Variants in ITPR1 observed in about 807,000 individuals in gnomAD.
The protein encoded by ITPR1 is inositol 1,4,5-trisphosphate-gated calcium channel ITPR1.
Under a neutral mutation model 318.4 loss-of-function variants are expected in ITPR1, and 96 were observed. That is an observed-to-expected ratio of 0.30 (90% CI 0.26 to 0.36). ITPR1 has a LOEUF of 0.36. ITPR1 is among the 10% of genes least tolerant of loss of function. The pLI, the probability that ITPR1 is intolerant of heterozygous loss-of-function variation, is 1.00. For missense variants in ITPR1, 2,440 were observed against 3,460.2 expected (o/e 0.71, Z 7.40); for synonymous variants, 1,312 against 1,289.9 (o/e 1.02, Z -0.37).
At chr3:4,605,822 C>G (rs1183080135) in intron 4 of ITPR1, among the ~76,000 whole-genome samples, 3 of 152,152 alleles carry the variant, frequency 2.0e-5, no homozygotes, top group African/African-American at 7.2e-5. Flanking sequence ...TTCCACTGGC[C>G]TTTCCTGGTC....
chr3:4,727,903 C>T (rs575487343), intron 42 of ITPR1, among the ~76,000 whole-genome samples: 1 of 152,184 alleles, frequency 6.6e-6, no homozygotes, highest in Non-Finnish European at 1.5e-5. Context: ...TTTCCTTCTA[C>T]CTATTTTTTA....
intron 60 of ITPR1, chr3:4,830,826 C>A (rs1298708970): frequency 2.4e-6 from 1 of 412,218 alleles, no homozygotes; most frequent in East Asian, 7.2e-5. Context: ...CCATCTTCTC[C>A]CCCATGACCC....
chr3:4,772,753 TAAG>T, intron 46 of ITPR1, among the ~76,000 whole-genome samples: 1 of 152,326 alleles, frequency 6.6e-6, no homozygotes, highest in South Asian at 2.1e-4. Context: ...TTCTCTTCTC[TAAG>T]AAGGAGTTCC....
At chr3:4,701,033 AT>A (rs1223180187) in intron 35 of ITPR1, among the ~76,000 whole-genome samples, 2 of 152,188 alleles carry the variant, frequency 1.3e-5, no homozygotes, top group African/African-American at 4.8e-5. Context: ...ACAATTCAAG[AT>A]GAAGTTTGGA....
At chr3:4,688,642 C>T (rs1392373210) in intron 31 of ITPR1, 22 bp downstream of exon 31, 1 of 1,607,892 alleles carries the variant, frequency 6.2e-7, no homozygotes, top group Admixed American at 1.7e-5. Context: ...GGCCAATCTG[C>T]AAATCTATAG....
At chr3:4,819,937 G>T (rs187173162) in intron 60 of ITPR1, among the ~76,000 whole-genome samples, 1 of 152,286 alleles carries the variant, frequency 6.6e-6, no homozygotes, top group Non-Finnish European at 1.5e-5. Context: ...AGTTCAGAAG[G>T]AGCTGAGCCA....
intron 5 of ITPR1, among the ~76,000 whole-genome samples, chr3:4,636,573 C>T (rs573139533): frequency 3.3e-5 from 5 of 152,238 alleles, no homozygotes; most frequent in Admixed American, 6.5e-5. Flanking sequence ...GGACTACAGG[C>T]GCCCGCCACC....
chr3:4,614,668 G>A (rs1044295079), intron 4 of ITPR1, among the ~76,000 whole-genome samples: 1 of 152,188 alleles, frequency 6.6e-6, no homozygotes, highest in Non-Finnish European at 1.5e-5. Flanking sequence ...TCTGCTAGAC[G>A]CATGACATGC....
intron 46 of ITPR1, among the ~76,000 whole-genome samples, chr3:4,770,404 A>G (rs2046112127): frequency 6.6e-6 from 1 of 152,228 alleles, no homozygotes; most frequent in Non-Finnish European, 1.5e-5. Context: ...TGAATTTTCA[A>G]TCAGATTGAA....
At chr3:4,558,784 C>A (rs917122261) in intron 4 of ITPR1, among the ~76,000 whole-genome samples, 1 of 151,948 alleles carries the variant, frequency 6.6e-6, no homozygotes. Context: ...AACCCACTAG[C>A]CTTAACAGTA....
At chr3:4,706,903 C>A (rs1447318433) in intron 37 of ITPR1, among the ~76,000 whole-genome samples, 1 of 152,194 alleles carries the variant, frequency 6.6e-6, no homozygotes, top group African/African-American at 2.4e-5. Flanking sequence ...TGCATCTTAA[C>A]ATTAACGTAT....
At chr3:4,642,508 C>G (rs1275458500) in intron 7 of ITPR1, among the ~76,000 whole-genome samples, 1 of 152,158 alleles carries the variant, frequency 6.6e-6, no homozygotes. Flanking sequence ...AGGAACTTTA[C>G]CACAAAAACA....
chr3:4,713,027 A>T lies in ITPR1; in HGVS notation c.5103+1159A>T, dbSNP rs895839474. On this transcript the variant is annotated intron_variant, in intron 39 of 61. Coordinates refer to ENST00000649015, the MANE Select transcript of ITPR1 (RefSeq NM_001378452.1). ...CCCTGGCAAGGTGAGAAGTGCTGGG[A>T]TGGCCTGTTCATACCTGTATAGGCA... Among the ~76,000 whole-genome samples the T allele has an allele frequency of 2.6e-5, 4 of 152,180 alleles. No individual in the cohort carries two copies. The South Asian group carries it at 8.3e-4, about 32-fold the overall frequency.
At chr3:4,802,419 T>C (rs1367981237) in intron 54 of ITPR1, among the ~76,000 whole-genome samples, 2 of 152,198 alleles carry the variant, frequency 1.3e-5, no homozygotes, top group Non-Finnish European at 2.9e-5. Context: ...CAGGAGGGAC[T>C]AGAGGCAAGG....
rs1354798514 is a variant in ITPR1 at position 4,826,348 on chromosome 3, G to T, written c.8028+8106G>T. ...GAGCATTGGTTAAAATGTCACCTGG[G>T]CTCTGACAAGCCCTTAACCATGGGT... is the stretch of plus-strand genomic sequence containing the variant. On this transcript the variant is annotated intron_variant, in intron 60 of 61. Coordinates refer to ENST00000649015, the MANE Select transcript of ITPR1 (RefSeq NM_001378452.1). This position sits in a 1 kb window ranked among gnomAD's most constrained non-coding sequence, Gnocchi z 4.2. Among the ~76,000 whole-genome samples the T allele has an allele frequency of 1.3e-5, 2 of 152,198 alleles. No homozygotes were observed. Among genetic ancestry groups the T allele is most frequent in the Non-Finnish European group, 2.9e-5 (2 of 68,036 alleles).
chr3:4,585,626 G>A (rs2089814099), intron 4 of ITPR1, among the ~76,000 whole-genome samples: 1 of 151,900 alleles, frequency 6.6e-6, no homozygotes, highest in African/African-American at 2.4e-5. Context: ...TAGTAGAGAC[G>A]GCATTTCAGC....
At chr3:4,751,905 C>G (rs989138472) in intron 44 of ITPR1, among the ~76,000 whole-genome samples, 1 of 152,184 alleles carries the variant, frequency 6.6e-6, no homozygotes, top group Non-Finnish European at 1.5e-5. Flanking sequence ...TCACAGTTGC[C>G]TCTGGTTCTT....
chr3:4,621,677 G>A (rs557950095), intron 4 of ITPR1, among the ~76,000 whole-genome samples: 1 of 152,252 alleles, frequency 6.6e-6, no homozygotes, highest in Non-Finnish European at 1.5e-5. Context: ...GCACAGTGCA[G>A]CTTCTGCTTC....
chr3:4,684,472 A>G, intron 29 of ITPR1, 126 bp downstream of exon 29: 1 of 690,592 alleles, frequency 1.4e-6, no homozygotes, highest in African/African-American at 1.8e-5. Flanking sequence ...AACAGGGAGA[A>G]AGTAGAGCTC....
Sources: gnomAD v4.1 joint callset for allele counts (sites outside exome capture counted in the v4.1 genomes callset) on GRCh38, gnomAD v4.1.1 for gene constraint, Gnocchi (gnomAD v3.1) non-coding constraint, MANE v1.5 for transcripts, NCBI Gene and HGNC (gene_info 2026-07-23, HGNC 2026-07-21) for gene names.